BANK1: variants seen among roughly 807,000 people sequenced by gnomAD.
BANK1 encodes the protein B-cell scaffold protein with ankyrin repeats.
BANK1 carries 95 observed loss-of-function variants against 94.5 expected under a neutral mutation model. The observed-to-expected ratio is 1.00, with a 90% CI of 0.85 to 1.19. BANK1 has a LOEUF of 1.19. Among genes scored for constraint, BANK1 ranks in the 50% most tolerant of loss-of-function variants. The probability of loss-of-function intolerance (pLI) is 0.00; values close to 1 mark genes in which losing one functional copy is unlikely to be tolerated. For missense variants in BANK1, 987 were observed against 932.2 expected, an observed-to-expected ratio of 1.06 and a Z score of -0.77; for synonymous variants, 334 against 308.4, an observed-to-expected ratio of 1.08 and a Z score of -0.87.
rs78471295 is a variant in BANK1 at position 101,828,784 on chromosome 4, G to A, written c.71-1024G>A. ...AACCTCACATTTCTCTTATTGTGGT[G>A]ACTTTGTTTTCTTTCCTGGATATGT... On this transcript the variant is annotated intron_variant, in intron 1 of 16. Transcript: ENST00000322953. Among the ~76,000 whole-genome samples, 796 of 152,104 alleles carry A rather than the reference G, an allele frequency of 5.2e-3. 13 individuals are homozygous for A. In the East Asian group the frequency reaches 0.061, roughly 12 times the overall value.
intron 1 of BANK1, among the ~76,000 whole-genome samples, chr4:101,797,237 G>T (rs556812753): frequency 1.3e-5 from 2 of 152,254 alleles, no homozygotes; most frequent in African/African-American, 4.8e-5. Context: ...AATGATGTCA[G>T]TGAAGAAATG....
At chr4:101,998,380 GA>G (rs965009966) in intron 7 of BANK1, among the ~76,000 whole-genome samples, 5 of 152,250 alleles carry the variant, frequency 3.3e-5, no homozygotes, top group African/African-American at 1.2e-4. Context: ...GTGCTGAGAA[GA>G]ATGTATATTC....
chr4:101,915,671 A>G (rs73836640), intron 6 of BANK1, among the ~76,000 whole-genome samples: 121 of 152,246 alleles, frequency 7.9e-4, no homozygotes, highest in African/African-American at 2.7e-3. Context: ...TAAAGTATGT[A>G]TCTACTTGTG....
chr4:101,829,863 G>A lies in BANK1; in HGVS notation c.126G>A (p.Leu42=). 6.2e-7 allele frequency: 1 copy of A among 1,610,016 alleles called. No individual in the cohort carries two copies. Residue 42 remains leucine (L), a synonymous_variant, in exon 2 of 17, where the codon CTG becomes CTA. Transcript: ENST00000322953. The part of the protein sequence containing the change: ...IYEEDAEEWA[L]YLTEVFLHVV... ...AAGAAGATGCTGAGGAATGGGCTCTGTACTTGACAGAAGTATTTTTACATG... is the reference window on the plus strand; with the variant it reads ...AAGAAGATGCTGAGGAATGGGCTCTATACTTGACAGAAGTATTTTTACATG...
intron 7 of BANK1, among the ~76,000 whole-genome samples, chr4:101,924,787 C>T (rs951496136): frequency 6.6e-5 from 10 of 151,690 alleles, no homozygotes; most frequent in Non-Finnish European, 1.0e-4. Context: ...ATTTGTATTT[C>T]CAATTTCTCG....
chr4:102,058,133 T>G (rs1359387051), intron 11 of BANK1, among the ~76,000 whole-genome samples: 1 of 152,108 alleles, frequency 6.6e-6, no homozygotes, highest in East Asian at 1.9e-4. Context: ...GCAATCAAGT[T>G]GTTTTCTTTC....
intron 1 of BANK1, among the ~76,000 whole-genome samples, chr4:101,797,350 T>C (rs1232850750): frequency 6.6e-6 from 1 of 152,150 alleles, no homozygotes; most frequent in African/African-American, 2.4e-5. Flanking sequence ...CAAAACCTAA[T>C]TGCATAAATT....
At chr4:101,861,066 G>A (rs893914001) in intron 3 of BANK1, among the ~76,000 whole-genome samples, 1 of 152,174 alleles carries the variant, frequency 6.6e-6, no homozygotes, top group South Asian at 2.1e-4. Flanking sequence ...CTTACACTCC[G>A]GCTTTTCTGA....
chr4:101,842,533 A>C (rs17031705), intron 2 of BANK1, among the ~76,000 whole-genome samples: 1,930 of 152,308 alleles, frequency 0.013, 31 homozygotes, highest in East Asian at 0.062. Context: ...TGGACCAAAT[A>C]CTTCTAGCAT....
intron 11 of BANK1, among the ~76,000 whole-genome samples, chr4:102,044,186 C>T (rs2148956485): frequency 6.6e-6 from 1 of 152,262 alleles, no homozygotes; most frequent in South Asian, 2.1e-4. Context: ...CCCCACTCCC[C>T]TCACCCCACA....
At chr4:102,062,916 A>G (rs1657045302) in intron 12 of BANK1, 159 bp from the exon 13 acceptor site, 2 of 592,562 alleles carry the variant, frequency 3.4e-6, no homozygotes, top group Admixed American at 6.0e-5. Flanking sequence ...GAATTAAGTA[A>G]GATAACGTGG....
At chr4:102,027,961 A>C (rs1368551517) in intron 9 of BANK1, among the ~76,000 whole-genome samples, 1 of 152,164 alleles carries the variant, frequency 6.6e-6, no homozygotes. Context: ...TGACCCAATT[A>C]CTTCAAAAGT....
At chr4:101,926,971 C>A (rs554839125) in intron 7 of BANK1, among the ~76,000 whole-genome samples, 1 of 151,734 alleles carries the variant, frequency 6.6e-6, no homozygotes, top group East Asian at 2.0e-4. Flanking sequence ...ATAAGTAAGG[C>A]CGGATCTGTA....
chr4:101,941,664 G>A (rs914593622), intron 7 of BANK1, among the ~76,000 whole-genome samples: 1 of 151,666 alleles, frequency 6.6e-6, no homozygotes, highest in Non-Finnish European at 1.5e-5. Context: ...TAAAGACAGT[G>A]TGAAAAGTCT....
At position 102,025,492 on chromosome 4, in the gene BANK1, C is replaced by T. The variant is rs753585763; in HGVS notation, c.1577C>T (p.Pro526Leu). 30 of 1,613,094 alleles carry T rather than the reference C, an allele frequency of 1.9e-5. No homozygotes were observed. The South Asian group carries it at 2.6e-4, about 14-fold the overall frequency. Residue 526 changes from proline (P) to leucine (L), a missense_variant, in exon 9 of 17, where the codon CCT becomes CTT. Physicochemically the swap from Pro to Leu is moderately conservative, Grantham distance 98. Coordinates refer to ENST00000322953, the MANE Select transcript of BANK1 (RefSeq NM_017935.5). ...PVANAFQLER[P>L]HFTLPGTMVE... ...GCTAATGCCTTCCAACTGGAAAGAC[C>T]TCACTTCACCTTACCAGGTAAGTTT...
intron 7 of BANK1, among the ~76,000 whole-genome samples, chr4:101,956,750 C>T (rs548035055): frequency 4.6e-5 from 7 of 152,118 alleles, no homozygotes; most frequent in Non-Finnish European, 8.8e-5. Flanking sequence ...AAAAAATGCT[C>T]CCTTGAAATT....
intron 11 of BANK1, among the ~76,000 whole-genome samples, chr4:102,059,153 A>C (rs1015272367): frequency 1.3e-5 from 2 of 152,206 alleles, no homozygotes; most frequent in African/African-American, 4.8e-5. Context: ...AATCCTTGTT[A>C]ATATCGTCTG....
At chr4:101,976,915 A>G (rs757582030) in intron 7 of BANK1, 2 of 152,154 alleles carry the variant, frequency 1.3e-5, no homozygotes, top group Non-Finnish European at 2.9e-5. Context: ...GCAGTATTCA[A>G]TTTATTTCTA....
At chr4:102,045,443 C>T (rs1727848514) in intron 11 of BANK1, among the ~76,000 whole-genome samples, 1 of 152,038 alleles carries the variant, frequency 6.6e-6, no homozygotes. Flanking sequence ...CTGGCCAAGG[C>T]AATGAGGCAG....
Sources: gnomAD v4.1 joint callset for allele counts (sites outside exome capture counted in the v4.1 genomes callset) on GRCh38, gnomAD v4.1.1 for gene constraint, MANE v1.5 for transcripts, NCBI Gene and HGNC (gene_info 2026-07-23, HGNC 2026-07-21) for gene names.